Variants in ANO2 observed in about 807,000 individuals in gnomAD.
ANO2 encodes anoctamin 2.
Under a neutral mutation model 124.2 loss-of-function variants are expected in ANO2, and 101 were observed. That is an observed-to-expected ratio of 0.81 (90% CI 0.69 to 0.96). The LOEUF (loss-of-function observed/expected upper bound fraction) is 0.96, where lower values mean the gene tolerates loss of function less well. Among genes scored for constraint, ANO2 ranks in the 40% least tolerant of loss-of-function variants. The pLI is 0.00. For synonymous variants in ANO2, 486 were observed against 482.5 expected (o/e 1.01, Z -0.09); for missense variants, 1,293 against 1,274.5 (o/e 1.01, Z -0.22).
chr12:5,732,904 AAG>A (rs1290259317), intron 13 of ANO2: 3 of 1,613,772 alleles, frequency 1.9e-6, no homozygotes, highest in Non-Finnish European at 2.5e-6. Context: ...TGTTGAGAAA[AAG>A]AGAGGAAATG....
At chr12:5,941,372 AG>A (rs1401565901) in intron 1 of ANO2, among the ~76,000 whole-genome samples, 4 of 152,210 alleles carry the variant, frequency 2.6e-5, no homozygotes, top group African/African-American at 9.6e-5. Context: ...CGGCAGAGAA[AG>A]GATCAGTGAA....
At chr12:5,638,398 G>T (rs1327329217) in intron 15 of ANO2, among the ~76,000 whole-genome samples, 1 of 147,046 alleles carries the variant, frequency 6.8e-6, no homozygotes, top group Admixed American at 6.7e-5. Flanking sequence ...ACCACTCCTG[G>T]CTAATTTTTT....
At chr12:5,914,772 C>G (rs1458524290) in intron 3 of ANO2, among the ~76,000 whole-genome samples, 1 of 152,170 alleles carries the variant, frequency 6.6e-6, no homozygotes, top group African/African-American at 2.4e-5. Context: ...TCAGGGCCTG[C>G]AAGGTGAGAG....
In ANO2 at chr12:5,925,812, C is replaced by T. The variant is rs1182922604; in HGVS notation, c.23-3008G>A. On this transcript the variant is annotated intron_variant, in intron 1 of 24. Transcript: ENST00000682330. The surrounding 1 kb of genome is among the most constrained non-coding windows in gnomAD (Gnocchi z 4.6). ...TGAGGGTGGGGGCATGGCTTACCCACGTCTGGGTTGAGGAGATGGATGTCG... is the reference window on the plus strand; with the variant it reads ...TGAGGGTGGGGGCATGGCTTACCCATGTCTGGGTTGAGGAGATGGATGTCG... 6.6e-6 allele frequency among the ~76,000 whole-genome samples: 1 copy of T among 152,230 alleles called. No homozygotes were observed. Among genetic ancestry groups the T allele is most frequent in the Admixed American group, 6.5e-5 (1 of 15,282 alleles).
At chr12:5,655,812 T>C (rs1947125610) in intron 14 of ANO2, among the ~76,000 whole-genome samples, 1 of 152,218 alleles carries the variant, frequency 6.6e-6, no homozygotes. Flanking sequence ...GCCTTCCTTG[T>C]ACTCCACAGC....
chr12:5,757,578 C>G (rs1951618043), intron 10 of ANO2, among the ~76,000 whole-genome samples: 2 of 152,212 alleles, frequency 1.3e-5, no homozygotes, highest in Non-Finnish European at 2.9e-5. Flanking sequence ...TGAATAGGAT[C>G]TATTTACCCA....
At chr12:5,743,828 TAA>T (rs1951180781) in intron 12 of ANO2, among the ~76,000 whole-genome samples, 1 of 152,118 alleles carries the variant, frequency 6.6e-6, no homozygotes, top group Non-Finnish European at 1.5e-5. Flanking sequence ...CAATCTTACC[TAA>T]GTCAGTGCAC....
intron 16 of ANO2, among the ~76,000 whole-genome samples, chr12:5,630,460 T>C (rs1349593695): frequency 1.3e-5 from 2 of 152,224 alleles, no homozygotes; most frequent in Admixed American, 1.3e-4. Context: ...TCAAGTCTCC[T>C]GATACTCTTG....
In ANO2 at chr12:5,863,267, G is replaced by A. The variant is rs375571158; in HGVS notation, c.535-9126C>T. ...TGCAGAGGACCCCAAAGGCAGCACG[G>A]CACCTTGAAAGACCTAACCTATGGG... On this transcript the variant is annotated intron_variant, in intron 3 of 24. Coordinates refer to ENST00000682330, the MANE Select transcript of ANO2 (RefSeq NM_001364791.2). Among the ~76,000 whole-genome samples the A allele has an allele frequency of 1.6e-4, 24 of 152,312 alleles. 1 individual carries two copies. Among genetic ancestry groups the A allele is most frequent in the East Asian group, 1.5e-3 (8 of 5,182 alleles).
chr12:5,835,635 G>A (rs1356212036), intron 4 of ANO2, among the ~76,000 whole-genome samples: 2 of 152,162 alleles, frequency 1.3e-5, no homozygotes, highest in African/African-American at 2.4e-5. Context: ...GCTAATAACC[G>A]ATGGGGTTTA....
intron 14 of ANO2, among the ~76,000 whole-genome samples, chr12:5,718,892 G>A (rs1378553558): frequency 6.6e-6 from 1 of 152,154 alleles, no homozygotes; most frequent in East Asian, 1.9e-4. Flanking sequence ...TTCCTGCATG[G>A]TTCCAGTTCC....
At chr12:5,732,849 C>T (rs1176895963) in intron 13 of ANO2, 1 of 1,613,842 alleles carries the variant, frequency 6.2e-7, no homozygotes. Context: ...CACTCGTTAT[C>T]ACACTGAAAA....
chr12:5,571,449 C>A (rs1056119305), intron 23 of ANO2, among the ~76,000 whole-genome samples: 1 of 152,206 alleles, frequency 6.6e-6, no homozygotes, highest in Non-Finnish European at 1.5e-5. Context: ...ATACCTCTAT[C>A]CCTGGCGAGG....
intron 13 of ANO2, 93 bp downstream of exon 13, chr12:5,739,224 T>C (rs1591549153): frequency 1.7e-6 from 2 of 1,190,088 alleles, no homozygotes; most frequent in South Asian, 1.3e-5. Flanking sequence ...ACAGCAAACA[T>C]ACATGGTTAT....
chr12:5,575,421 G>A (rs566970018), intron 23 of ANO2, among the ~76,000 whole-genome samples: 19 of 152,280 alleles, frequency 1.2e-4, no homozygotes, highest in South Asian at 6.2e-4. Flanking sequence ...ATGTACAGTC[G>A]TGTGTTGCTT....
At chr12:5,827,662 A>C in intron 7 of ANO2, 107 bp downstream of exon 7, 1 of 1,307,582 alleles carries the variant, frequency 7.6e-7, no homozygotes, top group Non-Finnish European at 1.1e-6. Flanking sequence ...CGTGGGGGGC[A>C]TTTGCTTGTT....
chr12:5,810,796 C>G (rs1771584390), intron 7 of ANO2, among the ~76,000 whole-genome samples: 1 of 152,188 alleles, frequency 6.6e-6, no homozygotes, highest in African/African-American at 2.4e-5. Context: ...AAGGAAAAGA[C>G]TCATGTTTCC....
intron 13 of ANO2, chr12:5,732,867 T>C: frequency 6.2e-7 from 1 of 1,613,902 alleles, no homozygotes. Flanking sequence ...AAACCAAACC[T>C]GGGCACGTTC....
chr12:5,786,823 C>G (rs115315380), intron 10 of ANO2, among the ~76,000 whole-genome samples: 1 of 152,324 alleles, frequency 6.6e-6, no homozygotes, highest in Admixed American at 6.5e-5. Flanking sequence ...TACTCTGTGT[C>G]TCATCTTGAA....
Sources: gnomAD v4.1 joint callset for allele counts (sites outside exome capture counted in the v4.1 genomes callset) on GRCh38, gnomAD v4.1.1 for gene constraint, Gnocchi (gnomAD v3.1) non-coding constraint, MANE v1.5 for transcripts, NCBI Gene and HGNC (gene_info 2026-07-23, HGNC 2026-07-21) for gene names.